Variants in SNTG1 observed in about 807,000 individuals in gnomAD.
SNTG1 encodes the protein syntrophin gamma 1, also known as gamma-1-syntrophin.
In SNTG1, 39 loss-of-function variants were observed where a neutral mutation model predicts 74.7. That is an observed-to-expected ratio of 0.52 (90% confidence interval 0.40 to 0.68). The LOEUF (loss-of-function observed/expected upper bound fraction) is 0.68, where lower values mean the gene tolerates loss of function less well. Ranked by LOEUF, SNTG1 falls within the 30% of genes least tolerant of loss-of-function variation. The pLI is 0.00. For synonymous variants in SNTG1, 254 were observed against 217.1 expected (o/e 1.17, Z -1.49); for missense variants, 685 against 609.5 (o/e 1.12, Z -1.30).
chr8:50,668,719 C>A (rs1035387054), intron 15 of SNTG1, among the ~76,000 whole-genome samples: 1 of 151,736 alleles, frequency 6.6e-6, no homozygotes, highest in South Asian at 2.1e-4. Flanking sequence ...TCTCATAGTT[C>A]AACTTCCATT....
chr8:50,499,436 G>A (rs1215255966), intron 8 of SNTG1, among the ~76,000 whole-genome samples: 5 of 126,902 alleles, frequency 3.9e-5, no homozygotes, highest in Non-Finnish European at 6.9e-5. Context: ...TTTTTTTTTT[G>A]GTAGATTCTA....
intron 2 of SNTG1, among the ~76,000 whole-genome samples, chr8:50,273,084 A>T (rs2087878028): frequency 6.6e-6 from 1 of 152,150 alleles, no homozygotes; most frequent in Non-Finnish European, 1.5e-5. Flanking sequence ...AATAAGAAAT[A>T]GTTATCTGAA....
intron 1 of SNTG1, among the ~76,000 whole-genome samples, chr8:49,916,008 T>C (rs1805995259): frequency 6.6e-6 from 1 of 152,208 alleles, no homozygotes; most frequent in Non-Finnish European, 1.5e-5. Context: ...CAACATTTGG[T>C]CTGTATAGAT....
At chr8:50,410,851 C>G (rs551580812) in intron 4 of SNTG1, among the ~76,000 whole-genome samples, 1 of 152,060 alleles carries the variant, frequency 6.6e-6, no homozygotes, top group African/African-American at 2.4e-5. Context: ...CCCTTCTTTC[C>G]TCTGGCTGCA....
intron 1 of SNTG1, among the ~76,000 whole-genome samples, chr8:49,969,385 ATCTTTTTTTTTTTTTT>A (rs1286662658): frequency 8.6e-6 from 1 of 116,628 alleles, no homozygotes; most frequent in Non-Finnish European, 1.7e-5. Context: ...AATTCATTTA[ATCTTTTTTTTTTTTTT>A]TTTTTTTTTT....
At chr8:49,999,398 T>C (rs764871347) in intron 1 of SNTG1, among the ~76,000 whole-genome samples, 116 of 152,068 alleles carry the variant, frequency 7.6e-4, no homozygotes, top group Non-Finnish European at 1.5e-3. Context: ...GGAAGCAGAG[T>C]GTTTCCTCAT....
At chr8:49,936,736 C>T (rs1808112858) in intron 1 of SNTG1, among the ~76,000 whole-genome samples, 1 of 152,122 alleles carries the variant, frequency 6.6e-6, no homozygotes, top group African/African-American at 2.4e-5. Flanking sequence ...ACCCAACAGT[C>T]CATCAACAAG....
intron 1 of SNTG1, among the ~76,000 whole-genome samples, chr8:50,033,636 CT>C (rs1817918098): frequency 6.6e-6 from 1 of 152,078 alleles, no homozygotes; most frequent in Non-Finnish European, 1.5e-5. Flanking sequence ...TGCTTTCTCC[CT>C]GTATTCTCAT....
At chr8:50,390,035 T>G (rs2092633854) in intron 2 of SNTG1, among the ~76,000 whole-genome samples, 2 of 152,032 alleles carry the variant, frequency 1.3e-5, no homozygotes, top group South Asian at 2.1e-4. Context: ...CTCTAGGTTG[T>G]CTGTTCACTC....
At chr8:50,061,469 T>C (rs1330936120) in intron 1 of SNTG1, among the ~76,000 whole-genome samples, 1 of 152,066 alleles carries the variant, frequency 6.6e-6, no homozygotes, top group Non-Finnish European at 1.5e-5. Context: ...ACCAGTTTCT[T>C]TCATTTTTAA....
intron 9 of SNTG1, among the ~76,000 whole-genome samples, chr8:50,523,741 T>C (rs1029298591): frequency 6.6e-6 from 1 of 152,166 alleles, no homozygotes; most frequent in African/African-American, 2.4e-5. Context: ...ACTGTGGGAA[T>C]TACCAAAATG....
intron 12 of SNTG1, among the ~76,000 whole-genome samples, chr8:50,572,069 C>A (rs1256189982): frequency 6.6e-6 from 1 of 152,074 alleles, no homozygotes; most frequent in Non-Finnish European, 1.5e-5. Flanking sequence ...TCACCTGTGA[C>A]TAAAAGTAAT....
intron 13 of SNTG1, among the ~76,000 whole-genome samples, chr8:50,619,730 CG>C (rs748323523): frequency 8.7e-6 from 1 of 114,622 alleles, no homozygotes; most frequent in African/African-American, 3.9e-5. Flanking sequence ...GACTCCGTCT[CG>C]AAAAAAAAAA....
intron 2 of SNTG1, among the ~76,000 whole-genome samples, chr8:50,347,706 A>G (rs2091522424): frequency 6.6e-6 from 1 of 152,188 alleles, no homozygotes; most frequent in Non-Finnish European, 1.5e-5. Context: ...CTCCTGAGCT[A>G]TTCTAGTGGT....
intron 1 of SNTG1, among the ~76,000 whole-genome samples, chr8:50,059,247 C>T (rs546788463): frequency 7.2e-5 from 11 of 152,196 alleles, no homozygotes; most frequent in Admixed American, 7.2e-4. Flanking sequence ...TTTCATTTCA[C>T]TGAGATAAAT....
At chr8:50,245,825 T>C (rs1052888496) in intron 2 of SNTG1, among the ~76,000 whole-genome samples, 1 of 152,158 alleles carries the variant, frequency 6.6e-6, no homozygotes, top group Non-Finnish European at 1.5e-5. Context: ...ACTATAGTGA[T>C]GAGAATATTC....
chr8:50,661,282 C>T (rs1195662800), intron 15 of SNTG1, among the ~76,000 whole-genome samples: 1 of 152,144 alleles, frequency 6.6e-6, no homozygotes, highest in Non-Finnish European at 1.5e-5. Context: ...GATATTTGCT[C>T]AGACTTTTAT....
chr8:50,011,566 T>A (rs1815797752), intron 1 of SNTG1, among the ~76,000 whole-genome samples: 1 of 152,000 alleles, frequency 6.6e-6, no homozygotes, highest in Admixed American at 6.6e-5. Flanking sequence ...TGCAATCCAG[T>A]GCTGCCAAAT....
At chr8:50,751,967 C>A in intron 17 of SNTG1, 34 bp from the exon 18 acceptor site, 1 of 1,300,500 alleles carries the variant, frequency 7.7e-7, no homozygotes, top group Non-Finnish European at 1.0e-6. Context: ...ATATTAATTC[C>A]ACCGACTTAC....
Sources: gnomAD v4.1 joint callset for allele counts (sites outside exome capture counted in the v4.1 genomes callset) on GRCh38, gnomAD v4.1.1 for gene constraint, MANE v1.5 for transcripts, NCBI Gene and HGNC (gene_info 2026-07-23, HGNC 2026-07-21) for gene names.